STARD13: variants seen among roughly 807,000 people sequenced by gnomAD.
The protein encoded by STARD13 is StAR related lipid transfer domain containing 13.
STARD13 carries 62 observed loss-of-function variants against 106.4 expected under a neutral mutation model. The observed-to-expected ratio is 0.58, with a 90% CI of 0.48 to 0.72. The LOEUF is 0.72. STARD13 is among the 30% of genes least tolerant of loss of function. STARD13 has a pLI of 0.00. For synonymous variants in STARD13, 565 were observed against 553.0 expected, an observed-to-expected ratio of 1.02 and a Z score of -0.31; for missense variants, 1,387 against 1,424.0, an observed-to-expected ratio of 0.97 and a Z score of 0.42.
chr13:33,567,475 A>G, the STARD13 span, among the ~76,000 whole-genome samples: 231 of 148,554 alleles, frequency 1.6e-3, 33 homozygotes, highest in Admixed American at 0.012. Flanking sequence ...GTGAAATTTC[A>G]TATAATTAAT....
At chr13:33,151,819 G>C (rs1408893) in intron 3 of STARD13, among the ~76,000 whole-genome samples, 54,103 of 152,086 alleles carry the variant, frequency 0.36, 9,878 homozygotes, top group Middle Eastern at 0.4. Flanking sequence ...GTCCAGGGGA[G>C]AGATGGCAGA....
intron 1 of STARD13, among the ~76,000 whole-genome samples, chr13:33,320,560 A>T (rs1471349453): frequency 6.6e-6 from 1 of 152,232 alleles, no homozygotes; most frequent in African/African-American, 2.4e-5. Flanking sequence ...TCCTCCTCTC[A>T]GGTGTACTCA....
At chr13:33,276,366 CA>C (rs1891432982) in intron 1 of STARD13, among the ~76,000 whole-genome samples, 3 of 152,150 alleles carry the variant, frequency 2.0e-5, no homozygotes, top group Non-Finnish European at 4.4e-5. Context: ...TTGTGTCCCT[CA>C]AAGCATCTGG....
rs948246256 is a variant in STARD13 at position 33,350,155 on chromosome 13, G to GC, written c.124+134dup. On this transcript the variant is annotated intron_variant, in intron 1 of 1. Coordinates refer to the STARD13 transcript ENST00000439831. ...CGGCCCAGGGAGGGTGGTGCCCGCA[G>GC]CCCGCTCGCCCCGGCCTTGGGCTCT... 3.2e-4 allele frequency: 392 copies of GC among 1,232,896 alleles called. 1 individual carries two copies. Among genetic ancestry groups the GC allele is most frequent in the Middle Eastern group, 2.8e-3 (9 of 3,236 alleles). The allele number at this position is 1,232,896 out of a possible 1,614,324, so 76.4% of individuals were successfully genotyped here. A position where few individuals can be genotyped will look rare whatever the true frequency, so the allele number is the denominator to read the frequency against.
At chr13:33,289,727 C>T (rs981740131), upstream of STARD13, among the ~76,000 whole-genome samples, 8 of 152,116 alleles carry the variant, frequency 5.3e-5, no homozygotes, top group East Asian at 1.9e-4. Flanking sequence ...GCTAAAATCC[C>T]GTGGTGATTG....
chr13:33,472,528 A>G, the STARD13 span, among the ~76,000 whole-genome samples: 27 of 152,218 alleles, frequency 1.8e-4, no homozygotes, highest in African/African-American at 5.8e-4. Context: ...CCCTCCCCTC[A>G]GTTGCGAGTT....
At chr13:33,185,354 T>C (rs538950234) in intron 1 of STARD13, among the ~76,000 whole-genome samples, 16 of 152,312 alleles carry the variant, frequency 1.1e-4, no homozygotes, top group Non-Finnish European at 1.2e-4. Flanking sequence ...TAGCAGGACA[T>C]CTTATGTTTT....
chr13:33,152,428 A>T (rs1284501428), intron 3 of STARD13, among the ~76,000 whole-genome samples: 1 of 152,070 alleles, frequency 6.6e-6, no homozygotes, highest in Non-Finnish European at 1.5e-5. Flanking sequence ...AAAAAAAAAA[A>T]AAATAGCCAT....
the STARD13 span, among the ~76,000 whole-genome samples, chr13:33,614,780 T>A: frequency 0.011 from 1,720 of 152,250 alleles, 22 homozygotes; most frequent in African/African-American, 0.039. Context: ...ATCAAGTGCA[T>A]GAGCCTGGTG....
At chr13:33,267,853 T>C (rs1890972184) in intron 1 of STARD13, among the ~76,000 whole-genome samples, 1 of 152,180 alleles carries the variant, frequency 6.6e-6, no homozygotes, top group African/African-American at 2.4e-5. Context: ...CTCTCAGCTG[T>C]GGAAGAGGCT....
chr13:33,516,932 C>A, the STARD13 span, among the ~76,000 whole-genome samples: 1 of 125,680 alleles, frequency 8.0e-6, no homozygotes, highest in African/African-American at 3.4e-5. Flanking sequence ...CAGAGCAAGA[C>A]CTTGTCTCAG....
the STARD13 span, among the ~76,000 whole-genome samples, chr13:33,499,787 C>T: frequency 8.9e-6 from 1 of 112,324 alleles, no homozygotes; most frequent in Non-Finnish European, 1.7e-5. Context: ...TTTTTAGAGA[C>T]AAGGTCTTAC....
At chr13:33,536,217 A>C in the STARD13 span, among the ~76,000 whole-genome samples, 1 of 152,200 alleles carries the variant, frequency 6.6e-6, no homozygotes, top group Non-Finnish European at 1.5e-5. Context: ...AGACAACTAA[A>C]TTGTGCTGGC....
intron 1 of STARD13, among the ~76,000 whole-genome samples, chr13:33,311,282 G>A (rs1391708537): frequency 6.6e-6 from 1 of 152,114 alleles, no homozygotes; most frequent in Non-Finnish European, 1.5e-5. Context: ...GGGCAACAGA[G>A]TGAGACCCTG....
chr13:33,504,022 C>T, the STARD13 span, among the ~76,000 whole-genome samples: 3 of 152,156 alleles, frequency 2.0e-5, no homozygotes, highest in Non-Finnish European at 2.9e-5. Context: ...CATCACTGGT[C>T]ATCACAGAAA....
intron 1 of STARD13, among the ~76,000 whole-genome samples, chr13:33,202,775 C>T (rs1014733057): frequency 5.9e-5 from 9 of 152,026 alleles, no homozygotes; most frequent in East Asian, 3.9e-4. Flanking sequence ...CTGGGCAGAG[C>T]GTGGAGGTGT....
chr13:33,400,356 T>G, the STARD13 span, among the ~76,000 whole-genome samples: 1 of 152,336 alleles, frequency 6.6e-6, no homozygotes, highest in African/African-American at 2.4e-5. Flanking sequence ...ATATGCCACA[T>G]TTTCTTTATC....
At chr13:33,123,055 CAAAAA>C (rs71071079) in intron 7 of STARD13, among the ~76,000 whole-genome samples, 16 of 45,858 alleles carry the variant, frequency 3.5e-4, no homozygotes, top group African/African-American at 1.3e-3. Flanking sequence ...GACTCCATCT[CAAAAA>C]AAAAAAAAAA....
chr13:33,504,928 T>C, the STARD13 span, among the ~76,000 whole-genome samples: 19 of 152,262 alleles, frequency 1.2e-4, no homozygotes, highest in East Asian at 1.5e-3. Flanking sequence ...AAGGTCTTAC[T>C]TCTGCAGAAA....
Sources: gnomAD v4.1 joint callset for allele counts (sites outside exome capture counted in the v4.1 genomes callset) on GRCh38, gnomAD v4.1.1 for gene constraint, MANE v1.5 for transcripts, NCBI Gene and HGNC (gene_info 2026-07-23, HGNC 2026-07-21) for gene names.